Variants in MED13L observed in about 807,000 individuals in gnomAD.
MED13L encodes mediator of RNA polymerase II transcription subunit 13-like.
In MED13L, 7 loss-of-function variants were observed where a neutral mutation model predicts 220.9. The observed-to-expected ratio is 0.03, with a 90% CI of 0.02 to 0.06. MED13L has a LOEUF of 0.06. MED13L is among the 10% of genes least tolerant of loss of function. MED13L has a pLI of 1.00. For missense variants in MED13L, 1,965 were observed against 2,760.5 expected (o/e 0.71, Z 6.46); for synonymous variants, 1,011 against 1,015.2 (o/e 1.00, Z 0.08).
At chr12:116,157,232 T>C (rs913854792) in intron 2 of MED13L, among the ~76,000 whole-genome samples, 2 of 152,208 alleles carry the variant, frequency 1.3e-5, no homozygotes, top group Admixed American at 6.5e-5. Flanking sequence ...TATACTAGTA[T>C]ACTACACTAA....
At chr12:116,107,544 T>C (rs932426815) in intron 3 of MED13L, among the ~76,000 whole-genome samples, 6 of 152,236 alleles carry the variant, frequency 3.9e-5, no homozygotes. Flanking sequence ...TTCAGTGACA[T>C]TATTCTGCAT....
intron 1 of MED13L, among the ~76,000 whole-genome samples, chr12:116,249,866 G>A (rs1871368127): frequency 6.7e-6 from 1 of 149,858 alleles, no homozygotes; most frequent in Admixed American, 6.7e-5. Flanking sequence ...AGTCAGCACA[G>A]TATCAGGCAA....
intron 4 of MED13L, among the ~76,000 whole-genome samples, chr12:116,065,390 A>G (rs1205954635): frequency 6.6e-6 from 1 of 152,222 alleles, no homozygotes; most frequent in Non-Finnish European, 1.5e-5. Context: ...AATAGATGGC[A>G]AAAATAAAGA....
intron 28 of MED13L, 94 bp downstream of exon 28, chr12:115,968,846 C>T (rs1388446674): frequency 1.3e-6 from 2 of 1,493,182 alleles, no homozygotes; most frequent in Non-Finnish European, 1.9e-6. Flanking sequence ...CCATCAAGAA[C>T]TGTGCAAGTA....
intron 4 of MED13L, among the ~76,000 whole-genome samples, chr12:116,078,950 T>C (rs1871024139): frequency 6.6e-6 from 1 of 152,200 alleles, no homozygotes; most frequent in Non-Finnish European, 1.5e-5. Context: ...CATCAAGATA[T>C]TATTTATCTT....
At chr12:116,042,279 T>C (rs903380607) in intron 4 of MED13L, among the ~76,000 whole-genome samples, 7 of 152,178 alleles carry the variant, frequency 4.6e-5, no homozygotes, top group African/African-American at 1.7e-4. Context: ...ACAAGAAAGG[T>C]ACCATCTTGG....
chr12:116,272,140 T>A (rs985489430), intron 1 of MED13L, among the ~76,000 whole-genome samples: 3 of 152,236 alleles, frequency 2.0e-5, no homozygotes, highest in Non-Finnish European at 2.9e-5. Context: ...TTCATTGAGA[T>A]GAGTTTCATC....
At chr12:116,094,638 T>C (rs1463898242) in intron 4 of MED13L, among the ~76,000 whole-genome samples, 2 of 152,214 alleles carry the variant, frequency 1.3e-5, no homozygotes, top group Non-Finnish European at 2.9e-5. Context: ...TGTCAAATCA[T>C]CCTGTATTTT....
At chr12:115,994,166 C>G (rs928817957) in intron 16 of MED13L, among the ~76,000 whole-genome samples, 2 of 152,174 alleles carry the variant, frequency 1.3e-5, no homozygotes, top group African/African-American at 4.8e-5. Flanking sequence ...CACCTACATG[C>G]CAGGTGCAGT....
At chr12:116,128,003 C>T (rs1417185138) in intron 2 of MED13L, among the ~76,000 whole-genome samples, 2 of 152,186 alleles carry the variant, frequency 1.3e-5, no homozygotes, top group African/African-American at 4.8e-5. Context: ...CATCTGACTT[C>T]CTTTTCCTGT....
intron 1 of MED13L, among the ~76,000 whole-genome samples, chr12:116,248,741 G>C (rs986039199): frequency 6.6e-6 from 1 of 152,230 alleles, no homozygotes; most frequent in Non-Finnish European, 1.5e-5. Flanking sequence ...CCCAGAGCCT[G>C]AAACAATTAC....
intron 11 of MED13L, 97 bp downstream of exon 11, chr12:116,007,314 A>G: frequency 1.8e-6 from 2 of 1,094,918 alleles, no homozygotes; most frequent in African/African-American, 1.5e-5. Flanking sequence ...AGGCAAGACT[A>G]TCTCAAACGT....
intron 28 of MED13L, among the ~76,000 whole-genome samples, chr12:115,967,941 C>T (rs760401602): frequency 2.8e-4 from 42 of 151,142 alleles, no homozygotes; most frequent in Non-Finnish European, 4.3e-4. Context: ...GCAGGTATAA[C>T]ATGGGAACAG....
intron 2 of MED13L, among the ~76,000 whole-genome samples, chr12:116,127,378 C>T (rs572067536): frequency 1.3e-5 from 2 of 152,078 alleles, no homozygotes; most frequent in Non-Finnish European, 2.9e-5. Context: ...ACATCATGAT[C>T]TCAACTTTTC....
chr12:116,194,562 C>T (rs10507271), intron 2 of MED13L, among the ~76,000 whole-genome samples: 16,852 of 152,226 alleles, frequency 0.11, 1,066 homozygotes, highest in South Asian at 0.23. Context: ...TGATCAAATT[C>T]ACCTTAACCA....
At chr12:115,970,428 A>T (rs762459249) in intron 27 of MED13L, among the ~76,000 whole-genome samples, 166 bp downstream of exon 27, 70 of 152,374 alleles carry the variant, frequency 4.6e-4, no homozygotes, top group Middle Eastern at 6.8e-3. Flanking sequence ...TGTGCAGATA[A>T]ATCAAAGCTT....
chr12:116,213,252 G>A (rs554422378), intron 2 of MED13L, among the ~76,000 whole-genome samples: 1 of 152,192 alleles, frequency 6.6e-6, no homozygotes, highest in South Asian at 2.1e-4. Flanking sequence ...AAGAGGGGAG[G>A]GAGGGAAAAC....
intron 1 of MED13L, among the ~76,000 whole-genome samples, chr12:116,253,612 T>G (rs1355342337): frequency 1.3e-5 from 2 of 152,056 alleles, no homozygotes; most frequent in African/African-American, 4.8e-5. Context: ...GTAAGGTTTG[T>G]CGTGGAATTC....
chr12:116,239,472 A>G (rs1406613051), intron 1 of MED13L, among the ~76,000 whole-genome samples: 1 of 152,194 alleles, frequency 6.6e-6, no homozygotes, highest in African/African-American at 2.4e-5. Flanking sequence ...ATATTGCATG[A>G]TTTATATTTT....
Sources: allele counts gnomAD v4.1 joint callset (sites outside exome capture counted in the v4.1 genomes callset), GRCh38; gene constraint gnomAD v4.1.1; transcripts MANE v1.5; gene names NCBI Gene and HGNC (gene_info 2026-07-23, HGNC 2026-07-21).